Variants in ACTR3 observed in about 807,000 individuals in gnomAD.
ACTR3 encodes actin related protein 3.
A neutral mutation model predicts 56.8 loss-of-function variants in ACTR3; 12 were observed. The observed-to-expected ratio is 0.21, with a 90% CI of 0.14 to 0.34. ACTR3 has a LOEUF of 0.34. Among genes scored for constraint, ACTR3 ranks in the 10% least tolerant of loss-of-function variants. ACTR3 has a pLI of 1.00. For synonymous variants in ACTR3, 162 were observed against 167.4 expected, an observed-to-expected ratio of 0.97 and a Z score of 0.25; for missense variants, 282 against 512.5, an observed-to-expected ratio of 0.55 and a Z score of 4.34.
intron 1 of ACTR3, among the ~76,000 whole-genome samples, chr2:113,908,091 T>C (rs1045256158): frequency 6.6e-6 from 1 of 151,030 alleles, no homozygotes; most frequent in Admixed American, 6.6e-5. Context: ...CTTAGAGAAA[T>C]GCTTAATAGG....
chr2:113,951,398 CT>C, intron 8 of ACTR3, 80 bp from the exon 9 acceptor site: 1 of 959,088 alleles, frequency 1.0e-6, no homozygotes, highest in Non-Finnish European at 1.6e-6. Context: ...TGTTTTTGAA[CT>C]GAAAACTTTG....
intron 1 of ACTR3, among the ~76,000 whole-genome samples, chr2:113,897,409 T>C (rs541471738): frequency 2.0e-5 from 3 of 152,160 alleles, no homozygotes; most frequent in Non-Finnish European, 4.4e-5. Flanking sequence ...AATAATTTTG[T>C]TTCAGAATTT....
intron 6 of ACTR3, among the ~76,000 whole-genome samples, chr2:113,937,701 G>C (rs975556894): frequency 5.9e-5 from 9 of 152,294 alleles, no homozygotes; most frequent in Admixed American, 2.6e-4. Context: ...AAATAAGTCA[G>C]CTGTTATTCT....
At position 113,890,117 on chromosome 2, in the gene ACTR3, CCTG is replaced by C. The variant is rs1678854577; in HGVS notation, c.-157_-155del. The C allele has an allele frequency of 3.7e-6, 3 of 821,072 alleles. No individual in the cohort carries two copies. The allele number at this position is 821,072 out of a possible 1,614,324, so 50.9% of individuals were successfully genotyped here. A position where few individuals can be genotyped will look rare whatever the true frequency, so the allele number is the denominator to read the frequency against. ...GCGGAAGTGATAGCCGCCGACCGAGCCTGCTGCTTTCTTGCTACTGCTTCGGCT... is the reference window on the plus strand; with the variant it reads ...GCGGAAGTGATAGCCGCCGACCGAGCCTGCTTTCTTGCTACTGCTTCGGCT... On this transcript the variant is annotated 5_prime_UTR_variant, in exon 1 of 12. Transcript: ENST00000263238.
chr2:113,925,138 C>T (rs1679592864), intron 3 of ACTR3, among the ~76,000 whole-genome samples: 1 of 150,866 alleles, frequency 6.6e-6, no homozygotes, highest in South Asian at 2.1e-4. Context: ...CTCAAATGAT[C>T]CACCCACCTC....
intron 10 of ACTR3, chr2:113,953,994 A>G (rs993979497): frequency 1.3e-5 from 2 of 152,200 alleles, no homozygotes; most frequent in Non-Finnish European, 2.9e-5. Context: ...TCATGAATGA[A>G]TGTGACATTT....
chr2:113,940,228 C>A, intron 7 of ACTR3, 126 bp downstream of exon 7: 1 of 716,022 alleles, frequency 1.4e-6, no homozygotes, highest in South Asian at 2.7e-5. Flanking sequence ...TAAATTATTA[C>A]CCTTAAATAT....
intron 4 of ACTR3, among the ~76,000 whole-genome samples, chr2:113,931,083 T>G (rs1425380421): frequency 6.6e-6 from 1 of 152,162 alleles, no homozygotes; most frequent in Non-Finnish European, 1.5e-5. Flanking sequence ...CAGGGTATTT[T>G]TTTTTTAAAA....
intron 5 of ACTR3, chr2:113,933,974 T>C: frequency 3.3e-6 from 1 of 303,314 alleles, no homozygotes. Context: ...AGTTCTGTAC[T>C]GTTTAATGCA....
chr2:113,954,713 C>G (rs1680179894), intron 10 of ACTR3: 1 of 150,368 alleles, frequency 6.7e-6, no homozygotes, highest in South Asian at 2.1e-4. Context: ...TCAGGCTGAT[C>G]TTGTACTTTC....
chr2:113,957,038 A>G (rs1680228796), intron 11 of ACTR3, among the ~76,000 whole-genome samples: 1 of 152,244 alleles, frequency 6.6e-6, no homozygotes, highest in Non-Finnish European at 1.5e-5. Flanking sequence ...TGGTGCAATG[A>G]AAGTATGGGA....
intron 1 of ACTR3, among the ~76,000 whole-genome samples, chr2:113,902,570 C>G (rs1468329930): frequency 1.3e-5 from 2 of 151,474 alleles, no homozygotes; most frequent in East Asian, 1.9e-4. Flanking sequence ...ACTTGTTTCT[C>G]TAGATCACAA....
chr2:113,948,512 T>C (rs570426196), intron 8 of ACTR3, among the ~76,000 whole-genome samples: 1 of 152,298 alleles, frequency 6.6e-6, no homozygotes, highest in Admixed American at 6.5e-5. Context: ...TTTTTATCCT[T>C]CTTCTGTCAT....
chr2:113,921,913 A>G (rs1679519209), intron 3 of ACTR3, among the ~76,000 whole-genome samples: 1 of 152,208 alleles, frequency 6.6e-6, no homozygotes, highest in Non-Finnish European at 1.5e-5. Context: ...AAGACAGAGC[A>G]GTGTGCCAGT....
At chr2:113,934,075 C>CT in intron 5 of ACTR3, 2 of 515,420 alleles carry the variant, frequency 3.9e-6, no homozygotes, top group Non-Finnish European at 6.8e-6. Context: ...ATGTAAACCT[C>CT]TAAGTTTGTC....
chr2:113,942,397 C>A (rs747855058), intron 8 of ACTR3, 38 bp downstream of exon 8: 4 of 1,387,628 alleles, frequency 2.9e-6, no homozygotes, highest in Non-Finnish European at 3.9e-6. Context: ...AAGTATTCAG[C>A]AGCAAATATG....
intron 1 of ACTR3, among the ~76,000 whole-genome samples, chr2:113,899,403 A>C (rs1276723929): frequency 1.3e-5 from 2 of 152,246 alleles, no homozygotes; most frequent in African/African-American, 4.8e-5. Flanking sequence ...AACTTAAAGT[A>C]ATCAAGTATT....
At chr2:113,894,758 A>G (rs1678973825) in intron 1 of ACTR3, among the ~76,000 whole-genome samples, 1 of 152,146 alleles carries the variant, frequency 6.6e-6, no homozygotes, top group African/African-American at 2.4e-5. Context: ...TTTTTAACCT[A>G]ATTTTATAAG....
intron 3 of ACTR3, among the ~76,000 whole-genome samples, chr2:113,920,427 T>A (rs540485758): frequency 1.3e-5 from 2 of 152,240 alleles, no homozygotes; most frequent in Non-Finnish European, 1.5e-5. Flanking sequence ...TATTTTGATA[T>A]GTACAGTGTG....
Sources: allele counts gnomAD v4.1 joint callset (sites outside exome capture counted in the v4.1 genomes callset), GRCh38; gene constraint gnomAD v4.1.1; transcripts MANE v1.5; gene names NCBI Gene and HGNC (gene_info 2026-07-23, HGNC 2026-07-21).